Variants in SLC2A3 observed in about 807,000 individuals in gnomAD.
The protein encoded by SLC2A3 is solute carrier family 2 member 3.
SLC2A3 carries 21 observed loss-of-function variants against 46.4 expected under a neutral mutation model. That is an observed-to-expected ratio of 0.45 (90% CI 0.32 to 0.65). The LOEUF is 0.65. Among genes scored for constraint, SLC2A3 ranks in the 30% least tolerant of loss-of-function variants. The pLI, the probability that SLC2A3 is intolerant of heterozygous loss-of-function variation, is 0.04. For missense variants in SLC2A3, 499 were observed against 623.3 expected (o/e 0.80, Z 2.12); for synonymous variants, 213 against 239.4 (o/e 0.89, Z 1.02).
Position 7,922,923 on chromosome 12 carries a change from G to A in SLC2A3, c.1170C>T (p.Ala390=), listed in dbSNP as rs757593218. ...GGCGGGGGCCCTGGCTGAAGAGTTC[G>A]GCCACAATAAACCAGGGAATGGGGC... ...GPGPIPWFIV[A]ELFSQGPRPA... Residue 390 remains alanine (A), a synonymous_variant, in exon 9 of 10, where the codon GCC becomes GCT. Coordinates refer to ENST00000075120, the MANE Select transcript of SLC2A3 (RefSeq NM_006931.3). 6.8e-6 allele frequency: 11 copies of A among 1,614,126 alleles called. No individual in the cohort carries two copies. In the South Asian group the frequency reaches 7.7e-5, roughly 11 times the overall value.
At chr12:7,923,347 T>A (rs776682585) in intron 8 of SLC2A3, 15 of 198,538 alleles carry the variant, frequency 7.6e-5, no homozygotes, top group South Asian at 5.4e-4. Flanking sequence ...TAAAAAAAAA[T>A]TTTTTTTTTG....
Position 7,921,287 on chromosome 12 carries a change from G to A in SLC2A3, c.*126C>T, listed in dbSNP as rs1176773749. The A allele has an allele frequency of 2.3e-5, 35 of 1,554,956 alleles. No individual in the cohort carries two copies. Among genetic ancestry groups the A allele is most frequent in the Non-Finnish European group, 2.5e-5 (29 of 1,149,296 alleles). On this transcript the variant is annotated 3_prime_UTR_variant, in exon 10 of 10. Coordinates refer to ENST00000075120, the MANE Select transcript of SLC2A3 (RefSeq NM_006931.3). ...CAGCCTTGGGGTGCTCATGGAGTGC[G>A]TGGGATGAGAAAGGAATTAAGTAGC...
At chr12:7,921,875 G>T (rs936861711) in intron 9 of SLC2A3, among the ~76,000 whole-genome samples, 4 of 151,960 alleles carry the variant, frequency 2.6e-5, no homozygotes, top group Admixed American at 6.6e-5. Flanking sequence ...AGTATTTTTG[G>T]ACTTTTGAGT....
chr12:7,929,585 C>T, intron 6 of SLC2A3, 99 bp downstream of exon 6: 1 of 1,509,674 alleles, frequency 6.6e-7, no homozygotes, highest in Non-Finnish European at 8.9e-7. Flanking sequence ...TTACCTCAGC[C>T]TCCTGAGTAG....
At chr12:7,928,201 C>T (rs1946114612) in intron 6 of SLC2A3, among the ~76,000 whole-genome samples, 1 of 151,958 alleles carries the variant, frequency 6.6e-6, no homozygotes, top group Non-Finnish European at 1.5e-5. Context: ...AGATCGAGAC[C>T]ATCCTGGCCA....
At chr12:7,931,163 A>G (rs1298172747) in intron 4 of SLC2A3, 82 bp downstream of exon 4, 15 of 1,566,502 alleles carry the variant, frequency 9.6e-6, no homozygotes, top group African/African-American at 1.4e-5. Context: ...TGTGCCAGAT[A>G]TTCTTCAGTG....
At chr12:7,933,339 G>C in intron 2 of SLC2A3, 192 bp from the exon 3 acceptor site, 1 of 739,886 alleles carries the variant, frequency 1.4e-6, no homozygotes, top group East Asian at 2.8e-5. Context: ...GAAAATCCCA[G>C]TAGGTGGCAG....
intron 4 of SLC2A3, among the ~76,000 whole-genome samples, chr12:7,930,964 T>C (rs1398972938): frequency 6.6e-6 from 1 of 151,730 alleles, no homozygotes; most frequent in Non-Finnish European, 1.5e-5. Flanking sequence ...GCCCGACCAA[T>C]TTTTTGTGTT....
rs140775043 is a variant in SLC2A3 at position 7,932,335 on chromosome 12, G to A, written c.269+652C>T. ...TGGAATTATAGGTGCCTGTCACTAC[G>A]CCCGGCTAATTTTTGTATTTTTGGT... is the stretch of plus-strand genomic sequence containing the variant. On this transcript the variant is annotated intron_variant, in intron 3 of 9. Transcript: ENST00000075120. 2.0e-5 allele frequency among the ~76,000 whole-genome samples: 3 copies of A among 152,032 alleles called. No individual in the cohort carries two copies. In the East Asian group the frequency reaches 5.8e-4, roughly 29 times the overall value.
chr12:7,932,325 C>T (rs1201714958), intron 3 of SLC2A3, among the ~76,000 whole-genome samples: 1 of 151,534 alleles, frequency 6.6e-6, no homozygotes, highest in African/African-American at 2.4e-5. Context: ...TTATAGGTGC[C>T]TGTCACTACG....
intron 1 of SLC2A3, among the ~76,000 whole-genome samples, 179 bp downstream of exon 1, chr12:7,935,841 G>C (rs1946207383): frequency 6.6e-6 from 1 of 152,160 alleles, no homozygotes; most frequent in African/African-American, 2.4e-5. Flanking sequence ...GAACAGAACT[G>C]TATGACATTC....
intron 6 of SLC2A3, among the ~76,000 whole-genome samples, chr12:7,928,496 A>T (rs149755472): frequency 0.024 from 3,660 of 152,072 alleles, 144 homozygotes; most frequent in African/African-American, 0.082. Context: ...GTGATCTTTT[A>T]CTGATCCTGT....
intron 3 of SLC2A3, 188 bp downstream of exon 3, chr12:7,932,799 A>T (rs1317267485): frequency 6.8e-6 from 5 of 740,432 alleles, no homozygotes; most frequent in Admixed American, 3.0e-5. Flanking sequence ...GCTGGGTGGG[A>T]GCTCTCCAGG....
At chr12:7,933,610 G>A (rs1946182086) in intron 2 of SLC2A3, 200 bp downstream of exon 2, 1 of 564,516 alleles carries the variant, frequency 1.8e-6, no homozygotes, top group African/African-American at 1.9e-5. Flanking sequence ...CCTAGTTTGG[G>A]GAGGGACCCT....
At chr12:7,926,089 A>G in intron 6 of SLC2A3, 141 bp from the exon 7 acceptor site, 1 of 680,042 alleles carries the variant, frequency 1.5e-6, no homozygotes, top group Non-Finnish European at 2.6e-6. Flanking sequence ...CCTTCTGCAA[A>G]TGAATTATCT....
Position 7,920,958 on chromosome 12 carries a change from T to C in SLC2A3, c.*455A>G, listed in dbSNP as rs1356846575. On this transcript the variant is annotated 3_prime_UTR_variant, in exon 10 of 10. Transcript: ENST00000075120. Reference sequence around the variant, plus strand: ...ATAAAATAAATAAAACTCAAGTTAATTTGCCACGTAGAGCTGTATGGAAGT... The same window carrying C: ...ATAAAATAAATAAAACTCAAGTTAACTTGCCACGTAGAGCTGTATGGAAGT... 1 of 176,104 alleles carries C rather than the reference T, an allele frequency of 5.7e-6. No homozygotes were observed. Among genetic ancestry groups the C allele is most frequent in the East Asian group, 1.5e-4 (1 of 6,876 alleles). The allele number at this position is 176,104 out of a possible 1,614,324, so 10.9% of individuals were successfully genotyped here.
In SLC2A3 at chr12:7,930,906, C is replaced by T. The variant is rs1025873963; in HGVS notation, c.511-264G>A. On this transcript the variant is annotated intron_variant, in intron 4 of 9. Coordinates refer to ENST00000075120, the MANE Select transcript of SLC2A3 (RefSeq NM_006931.3). ...CTGCCTACCGGGTTCACGCCATTCT[C>T]CCGCCTCAGCCTCCGGAGTAGCTGG... Among the ~76,000 whole-genome samples the T allele has an allele frequency of 4.0e-5, 6 of 150,952 alleles. No homozygotes were observed. In the East Asian group the frequency reaches 1.2e-3, roughly 30 times the overall value.
At chr12:7,931,805 T>C (rs1946158815) in intron 3 of SLC2A3, among the ~76,000 whole-genome samples, 1 of 151,440 alleles carries the variant, frequency 6.6e-6, no homozygotes, top group Non-Finnish European at 1.5e-5. Flanking sequence ...AAGAACAACA[T>C]AATCAAGTAA....
At chr12:7,924,570 G>A in intron 7 of SLC2A3, 59 bp from the exon 8 acceptor site, 1 of 1,521,568 alleles carries the variant, frequency 6.6e-7, no homozygotes, top group African/African-American at 1.5e-5. Flanking sequence ...CAGCATCTGA[G>A]CTACTTGAAA....
Sources: gnomAD v4.1 joint callset for allele counts (sites outside exome capture counted in the v4.1 genomes callset) on GRCh38, gnomAD v4.1.1 for gene constraint, MANE v1.5 for transcripts, NCBI Gene and HGNC (gene_info 2026-07-23, HGNC 2026-07-21) for gene names.